Variants in SYBU observed in about 807,000 individuals in gnomAD.
The protein encoded by SYBU is syntabulin.
Under a neutral mutation model 35.9 loss-of-function variants are expected in SYBU, and 21 were observed. The observed-to-expected ratio is 0.58, with a 90% CI of 0.41 to 0.84. The LOEUF is 0.84. Ranked by LOEUF, SYBU falls within the 40% of genes least tolerant of loss-of-function variation. SYBU has a pLI of 0.00. For missense variants in SYBU, 768 were observed against 848.2 expected (o/e 0.91, Z 1.17); for synonymous variants, 319 against 324.3 (o/e 0.98, Z 0.18).
intron 3 of SYBU, among the ~76,000 whole-genome samples, chr8:109,587,193 T>C (rs1823715787): frequency 6.6e-6 from 1 of 152,196 alleles, no homozygotes; most frequent in South Asian, 2.1e-4. Context: ...CCAGCTCACA[T>C]TTCTGAGCTA....
At chr8:109,630,168 C>G (rs1813447547) in intron 2 of SYBU, among the ~76,000 whole-genome samples, 1 of 149,460 alleles carries the variant, frequency 6.7e-6, no homozygotes, top group Non-Finnish European at 1.5e-5. Flanking sequence ...GAAACTATCG[C>G]AAGAACAAAA....
chr8:109,644,154 T>G, intron 1 of SYBU: 1 of 459,606 alleles, frequency 2.2e-6, no homozygotes, highest in Non-Finnish European at 4.4e-6. Flanking sequence ...CCCTCAGGCA[T>G]CCACTCTACC....
chr8:109,655,883 G>A (rs1016348630), intron 1 of SYBU, among the ~76,000 whole-genome samples: 2 of 152,324 alleles, frequency 1.3e-5, no homozygotes, highest in South Asian at 2.1e-4. Flanking sequence ...GGGAGGCCGA[G>A]GTGGGCAGAT....
chr8:109,590,250 G>A (rs527564503), intron 3 of SYBU, among the ~76,000 whole-genome samples: 1 of 152,112 alleles, frequency 6.6e-6, no homozygotes, highest in Non-Finnish European at 1.5e-5. Context: ...GCTAAGGCTT[G>A]GGGGGCCCAG....
intron 2 of SYBU, among the ~76,000 whole-genome samples, chr8:109,639,775 T>A (rs1814648266): frequency 6.6e-6 from 1 of 152,204 alleles, no homozygotes; most frequent in South Asian, 2.1e-4. Flanking sequence ...AACGAGCGAT[T>A]TCCCCCTGCT....
chr8:109,585,895 AG>A (rs1196329264), intron 4 of SYBU, 164 bp downstream of exon 4: 1 of 602,590 alleles, frequency 1.7e-6, no homozygotes, highest in African/African-American at 1.9e-5. Context: ...TTGGCAAGAC[AG>A]GAAAAACTAC....
intron 1 of SYBU, among the ~76,000 whole-genome samples, chr8:109,658,678 G>A (rs929703251): frequency 6.6e-6 from 1 of 151,970 alleles, no homozygotes; most frequent in Non-Finnish European, 1.5e-5. Flanking sequence ...TTCATGGCCG[G>A]CATGGTGGCT....
Position 109,691,577 on chromosome 8 carries a change from C to T in SYBU, c.-302G>A. 1.1e-5 allele frequency: 5 copies of T among 436,878 alleles called. No individual in the cohort carries two copies. In the Admixed American group the frequency reaches 1.8e-4, roughly 16 times the overall value. 27.1% of individuals were successfully genotyped at this position (436,878 alleles called of 1,614,324 possible). On this transcript the variant is annotated 5_prime_UTR_variant, in exon 1 of 8. Transcript: ENST00000422135. The surrounding 1 kb of genome is among the most constrained non-coding windows in gnomAD (Gnocchi z 4.7). ...CGGCCCCTCGGCCTCTGCAGCCAGC[C>T]GGGCGGCTGCTGGGGCTGAGGACAA... is the stretch of plus-strand genomic sequence containing the variant.
At chr8:109,604,911 G>A (rs1825916690) in intron 3 of SYBU, among the ~76,000 whole-genome samples, 1 of 152,142 alleles carries the variant, frequency 6.6e-6, no homozygotes, top group African/African-American at 2.4e-5. Flanking sequence ...CCTGGCAGAG[G>A]CTCACAGAGC....
intron 6 of SYBU, 130 bp from the exon 7 acceptor site, chr8:109,576,143 T>C (rs1040753681): frequency 1.0e-4 from 121 of 1,156,986 alleles, no homozygotes; most frequent in Non-Finnish European, 1.3e-5. Context: ...CCACTTGAAA[T>C]ACAGATGTGA....
At chr8:109,682,126 A>G (rs1167024622), upstream of SYBU, among the ~76,000 whole-genome samples, 1 of 152,202 alleles carries the variant, frequency 6.6e-6, no homozygotes, top group East Asian at 1.9e-4. Context: ...AGACTAATAC[A>G]GTAAATTGGT....
chr8:109,664,840 C>A (rs1816700231), intron 1 of SYBU, among the ~76,000 whole-genome samples: 2 of 152,124 alleles, frequency 1.3e-5, no homozygotes, highest in African/African-American at 4.8e-5. Flanking sequence ...GCAGAATAAC[C>A]ATTCTGATAA....
intron 5 of SYBU, among the ~76,000 whole-genome samples, chr8:109,578,753 A>G (rs1822659116): frequency 1.3e-5 from 2 of 152,200 alleles, no homozygotes; most frequent in Admixed American, 1.3e-4. Flanking sequence ...CCCGGGCAGA[A>G]GAGAAGGAAG....
At chr8:109,619,264 C>T (rs1186551297) in intron 2 of SYBU, among the ~76,000 whole-genome samples, 1 of 151,494 alleles carries the variant, frequency 6.6e-6, no homozygotes, top group Admixed American at 6.6e-5. Context: ...CACTGTGTCA[C>T]CCAGGCTGAA....
intron 1 of SYBU, among the ~76,000 whole-genome samples, chr8:109,663,301 G>GA (rs1563771291): frequency 4.6e-5 from 6 of 131,440 alleles, no homozygotes; most frequent in Non-Finnish European, 9.5e-5. Flanking sequence ...AGATAGATAG[G>GA]TAGATAGATA....
upstream of SYBU, among the ~76,000 whole-genome samples, chr8:109,682,588 A>G (rs117215754): frequency 0.089 from 13,595 of 152,200 alleles, 894 homozygotes; most frequent in East Asian, 0.34. Context: ...GCAGAGCATA[A>G]AAGTTTTGAA....
intron 4 of SYBU, chr8:109,585,683 G>A (rs1429780361): frequency 5.8e-6 from 1 of 171,724 alleles, no homozygotes; most frequent in Non-Finnish European, 1.2e-5. Context: ...AAAGGGTGAA[G>A]TCAGAGGCTT....
In SYBU at chr8:109,641,065, T is replaced by C. The variant is rs532924006; in HGVS notation, c.229+1663A>G. Among the ~76,000 whole-genome samples, 132 of 152,314 alleles carry C rather than the reference T, an allele frequency of 8.7e-4. 2 individuals carry two copies. Among genetic ancestry groups the C allele is most frequent in the Non-Finnish European group, 2.4e-4 (16 of 68,012 alleles). ...GTTAATCTTCAAGTTCCATGTTCCC[T>C]AAATAAGTTCTAAAACATTATCCAC... On this transcript the variant is annotated intron_variant, in intron 2 of 6. Transcript: ENST00000276646.
chr8:109,620,076 C>T (rs918438831), intron 2 of SYBU, among the ~76,000 whole-genome samples: 8 of 152,098 alleles, frequency 5.3e-5, no homozygotes, highest in African/African-American at 1.9e-4. Context: ...CCTATAAATG[C>T]GTTCCACATT....
Sources: gnomAD v4.1 joint callset for allele counts (sites outside exome capture counted in the v4.1 genomes callset) on GRCh38, gnomAD v4.1.1 for gene constraint, Gnocchi (gnomAD v3.1) non-coding constraint, MANE v1.5 for transcripts, NCBI Gene and HGNC (gene_info 2026-07-23, HGNC 2026-07-21) for gene names.